The following PCLO variants were observed in gnomAD, a reference collection of about 807,000 sequenced individuals.
PCLO encodes the protein protein piccolo.
Under a neutral mutation model 427.5 loss-of-function variants are expected in PCLO, and 82 were observed. The observed-to-expected ratio is 0.19, with a 90% CI of 0.16 to 0.23. PCLO has a LOEUF of 0.23. Among genes scored for constraint, PCLO ranks in the 10% least tolerant of loss-of-function variants. The pLI is 1.00. For synonymous variants in PCLO, 2,357 were observed against 2,155.4 expected (o/e 1.09, Z -2.59); for missense variants, 6,239 against 6,115.9 (o/e 1.02, Z -0.67).
chr7:82,824,837 T>A (rs1003665172), intron 18 of PCLO, among the ~76,000 whole-genome samples: 6 of 150,680 alleles, frequency 4.0e-5, no homozygotes, highest in African/African-American at 1.5e-4. Context: ...TAGTCCCAGC[T>A]GTGTGGGAGG....
At chr7:82,821,060 TA>T in intron 20 of PCLO, 2 of 1,144,504 alleles carry the variant, frequency 1.7e-6, no homozygotes, top group Non-Finnish European at 2.1e-6. Flanking sequence ...ATGAGAGCTT[TA>T]AATTTGGGGA....
At chr7:83,068,803 T>A (rs1262648371) in intron 3 of PCLO, among the ~76,000 whole-genome samples, 1 of 152,146 alleles carries the variant, frequency 6.6e-6, no homozygotes, top group East Asian at 1.9e-4. Flanking sequence ...AAACCTGTAT[T>A]TTGAAGAGAT....
At chr7:83,080,845 T>C (rs1241580104) in intron 3 of PCLO, among the ~76,000 whole-genome samples, 2 of 152,042 alleles carry the variant, frequency 1.3e-5, no homozygotes, top group South Asian at 2.1e-4. Flanking sequence ...ATATGTACTA[T>C]CTTTTTCCCC....
rs529333021 is a variant in PCLO at position 82,951,483 on chromosome 7, T to C, written c.9105A>G (p.Val3035=). 6 of 1,563,334 alleles carry C rather than the reference T, an allele frequency of 3.8e-6. No homozygotes were observed. In the South Asian group the frequency reaches 5.9e-5, roughly 15 times the overall value. Residue 3035 remains valine, a synonymous_variant, in exon 6 of 25, where the codon GTA becomes GTG. Coordinates refer to ENST00000333891, the MANE Select transcript of PCLO (RefSeq NM_033026.6). The part of the protein sequence containing the change: ...LTSGRVTTGE[V]MDYSSKTTGP... ...CTGTAGTCTTGCTTGAATAATCCAT[T>C]ACCTCACCTGAAATACAGGGCAGAG...
rs1435050492 is a variant in PCLO, at chr7:82,826,706, T to A, written c.14344-46A>T. On this transcript the variant is annotated intron_variant, in intron 17 of 24. Coordinates refer to ENST00000333891, the MANE Select transcript of PCLO (RefSeq NM_033026.6). ...TCTAATTAAACCTATCTTTCCATCA[T>A]ACATTTTCATTACACACATACAGTA... The A allele has an allele frequency of 2.4e-6, 3 of 1,238,108 alleles. No individual in the cohort carries two copies. In the Admixed American group the frequency reaches 5.6e-5, roughly 23 times the overall value. The allele number at this position is 1,238,108 out of a possible 1,614,324, so 76.7% of individuals were successfully genotyped here.
At chr7:82,945,735 T>A (rs1180780250) in intron 6 of PCLO, among the ~76,000 whole-genome samples, 1 of 152,122 alleles carries the variant, frequency 6.6e-6, no homozygotes, top group Non-Finnish European at 1.5e-5. Flanking sequence ...ACCTTTACAG[T>A]TTATCACCAC....
At chr7:83,052,925 G>T (rs1211961761) in intron 3 of PCLO, among the ~76,000 whole-genome samples, 1 of 151,796 alleles carries the variant, frequency 6.6e-6, no homozygotes. Flanking sequence ...AGACTTCAGG[G>T]TAACCTTTGT....
At chr7:83,073,418 T>C (rs1216404474) in intron 3 of PCLO, among the ~76,000 whole-genome samples, 1 of 152,046 alleles carries the variant, frequency 6.6e-6, no homozygotes, top group Non-Finnish European at 1.5e-5. Flanking sequence ...GATAATATTT[T>C]CTGCCTTTAA....
intron 3 of PCLO, among the ~76,000 whole-genome samples, chr7:83,081,266 G>A (rs1023728442): frequency 5.9e-5 from 9 of 151,896 alleles, no homozygotes; most frequent in African/African-American, 1.9e-4. Context: ...ACATATCAAT[G>A]TTTTCATATT....
chr7:83,080,738 A>G (rs1334964208), intron 3 of PCLO, among the ~76,000 whole-genome samples: 3 of 152,024 alleles, frequency 2.0e-5, no homozygotes, highest in Non-Finnish European at 4.4e-5. Context: ...ATATATCCTA[A>G]TTTAAAATAC....
chr7:82,961,688 G>A (rs1214006225), intron 4 of PCLO, among the ~76,000 whole-genome samples: 1 of 152,156 alleles, frequency 6.6e-6, no homozygotes, highest in Non-Finnish European at 1.5e-5. Flanking sequence ...ATGTCAGTTG[G>A]TCACATGGTC....
At chr7:83,049,363 A>G (rs1485580827) in intron 3 of PCLO, among the ~76,000 whole-genome samples, 1 of 152,198 alleles carries the variant, frequency 6.6e-6, no homozygotes, top group Non-Finnish European at 1.5e-5. Context: ...AGTTGAGTGC[A>G]CAATGGCCAA....
At chr7:83,026,032 A>T (rs1481605517) in intron 3 of PCLO, among the ~76,000 whole-genome samples, 1 of 152,142 alleles carries the variant, frequency 6.6e-6, no homozygotes, top group Non-Finnish European at 1.5e-5. Flanking sequence ...GAGACTAGGA[A>T]GAAACTGCAT....
At chr7:83,098,792 T>C (rs946287005) in intron 3 of PCLO, among the ~76,000 whole-genome samples, 3 of 152,076 alleles carry the variant, frequency 2.0e-5, no homozygotes, top group Admixed American at 1.3e-4. Flanking sequence ...TCTTCCTTTG[T>C]TGCTGACTTG....
At position 83,135,266 on chromosome 7, in the gene PCLO, G is replaced by A; in HGVS notation, c.2284C>T (p.Pro762Ser). Residue 762 changes from proline to serine, a missense_variant, in exon 3 of 25, where the codon CCA (proline) becomes TCA (serine). By Grantham distance (74) the Pro-to-Ser change is moderately conservative (BLOSUM62 -1). This residue lies in a region of PCLO where 4,677 missense variants were observed against 4,468.4 expected (regional missense o/e 1.05). Coordinates refer to ENST00000333891, the MANE Select transcript of PCLO (RefSeq NM_033026.6). ...DKPKQPKMVKPTTDLVSSSSA... is the reference protein window; with the variant it reads ...DKPKQPKMVKSTTDLVSSSSA... ...GATGAAGATACAAGGTCAGTGGTTG[G>A]CTTTACCATCTTGGGCTGCTTTGGT... The A allele has an allele frequency of 6.2e-7, 1 of 1,613,878 alleles. No individual in the cohort carries two copies. The highest frequency in any genetic ancestry group is 8.5e-7 in the Non-Finnish European group (1 of 1,179,880).
At chr7:82,829,572 T>C (rs1279422344) in intron 16 of PCLO, among the ~76,000 whole-genome samples, 1 of 152,156 alleles carries the variant, frequency 6.6e-6, no homozygotes, top group Non-Finnish European at 1.5e-5. Flanking sequence ...TCACTCAAGA[T>C]AAATTACAAA....
At chr7:83,009,102 C>A (rs1374242013) in intron 3 of PCLO, among the ~76,000 whole-genome samples, 1 of 151,580 alleles carries the variant, frequency 6.6e-6, no homozygotes, top group East Asian at 1.9e-4. Context: ...TTAGTGGGTA[C>A]TAGAAAATAT....
In PCLO at chr7:82,952,242, T is replaced by A; in HGVS notation, c.8711A>T (p.Lys2904Met). ...DGEVVDLSTT[K>M]SHRTVVTMDE... is the part of the protein sequence containing the mutation. ...CATTGTTACGACTGTTCTGTGAGAC[T>A]TGGTTGTACTGAGATCCACTACTTC... The change falls in exon 5 of 25, where the codon AAG becomes ATG. Residue 2904 changes from lysine (K) to methionine (M), a missense_variant. Physicochemically the swap from Lys to Met is moderately conservative, Grantham distance 95 (BLOSUM62 -1). Around this residue, in one of 5 missense-constraint regions of PCLO, gnomAD observed 4,677 missense variants for 4,468.4 expected, o/e 1.05. Coordinates refer to ENST00000333891, the MANE Select transcript of PCLO (RefSeq NM_033026.6). 6.2e-7 allele frequency: 1 copy of A among 1,613,912 alleles called. No individual in the cohort carries two copies. The highest frequency in any genetic ancestry group is 8.5e-7 in the Non-Finnish European group (1 of 1,179,838).
At chr7:82,780,226 T>A (rs1790843257) in intron 22 of PCLO, among the ~76,000 whole-genome samples, 1 of 152,208 alleles carries the variant, frequency 6.6e-6, no homozygotes, top group African/African-American at 2.4e-5. Flanking sequence ...GTCTCAGGCC[T>A]CTTATTAAAT....
Sources: gnomAD v4.1 joint callset for allele counts (sites outside exome capture counted in the v4.1 genomes callset) on GRCh38, gnomAD v4.1.1 for gene constraint, gnomAD v4.1.1 regional missense constraint, MANE v1.5 for transcripts, NCBI Gene and HGNC (gene_info 2026-07-23, HGNC 2026-07-21) for gene names.